PRUNE1: variants seen among roughly 807,000 people sequenced by gnomAD.
PRUNE1 encodes the protein exopolyphosphatase PRUNE1.
In PRUNE1, 25 loss-of-function variants were observed where a neutral mutation model predicts 42.5. The observed-to-expected ratio is 0.59, with a 90% CI of 0.43 to 0.82. The LOEUF (loss-of-function observed/expected upper bound fraction) is 0.82, where lower values mean the gene tolerates loss of function less well. PRUNE1 is among the 40% of genes least tolerant of loss of function. The probability of loss-of-function intolerance (pLI) is 0.00; values close to 1 mark genes in which losing one functional copy is unlikely to be tolerated. For synonymous variants in PRUNE1, 203 were observed against 217.1 expected (o/e 0.93, Z 0.57); for missense variants, 443 against 539.3 (o/e 0.82, Z 1.77).
intron 3 of PRUNE1, among the ~76,000 whole-genome samples, chr1:151,021,813 G>A (rs902927104): frequency 6.6e-6 from 1 of 150,890 alleles, no homozygotes; most frequent in Non-Finnish European, 1.5e-5. Context: ...CGCCTCCCGG[G>A]ATAATTTTGT....
chr1:151,021,181 G>A (rs587756225), intron 3 of PRUNE1, among the ~76,000 whole-genome samples: 74 of 151,788 alleles, frequency 4.9e-4, no homozygotes, highest in African/African-American at 1.7e-3. Context: ...CAGGCCGGGC[G>A]TGGTGGCTCA....
rs587736505 is a variant in PRUNE1, at chr1:151,018,114, A to C, written c.132+210A>C. Among the ~76,000 whole-genome samples the C allele has an allele frequency of 2.0e-5, 3 of 152,272 alleles. No individual in the cohort carries two copies. In the South Asian group the frequency reaches 6.2e-4, roughly 32 times the overall value. ...AAAGTGAGCAAATATATTTCGAGGG[A>C]TATGTAAACCATAAAGCAATATTCA... On this transcript the variant is annotated intron_variant, in intron 2 of 7. Coordinates refer to ENST00000271620, the MANE Select transcript of PRUNE1 (RefSeq NM_021222.3).
intron 1 of PRUNE1, 184 bp downstream of exon 1, chr1:151,008,855 T>G (rs982578627): frequency 1.3e-6 from 1 of 767,058 alleles, no homozygotes. Flanking sequence ...TTTAGGAGCG[T>G]GAGAATGCTG....
chr1:151,033,158 T>C (rs1460278187), intron 7 of PRUNE1, among the ~76,000 whole-genome samples: 1 of 151,136 alleles, frequency 6.6e-6, no homozygotes, highest in Non-Finnish European at 1.5e-5. Context: ...CCATCTTGGC[T>C]CACTGCAACT....
At chr1:151,015,687 C>T (rs1477146616) in intron 1 of PRUNE1, among the ~76,000 whole-genome samples, 2 of 150,640 alleles carry the variant, frequency 1.3e-5, no homozygotes, top group Admixed American at 1.3e-4. Flanking sequence ...GCCTGTAGTC[C>T]CAGCTACTCA....
intron 3 of PRUNE1, among the ~76,000 whole-genome samples, chr1:151,020,055 A>T (rs1196601421): frequency 7.0e-6 from 1 of 143,330 alleles, no homozygotes; most frequent in African/African-American, 2.6e-5. Context: ...CTGGCCTGGA[A>T]CTCCTGACCT....
chr1:151,034,141 G>C lies in PRUNE1; in HGVS notation c.1269G>C (p.Gln423His). The change falls in exon 8 of 8, where the codon CAG becomes CAC. Residue 423 changes from glutamine to histidine, a missense_variant. Gln to His is a conservative substitution (Grantham distance 24). Coordinates refer to ENST00000271620, the MANE Select transcript of PRUNE1 (RefSeq NM_021222.3). ...NSLVDECPLD[Q>H]GLPKLSAEAV... ...TGGTGGATGAGTGCCCTCTAGATCA[G>C]GGGCTGCCTAAACTCTCTGCTGAGG... is the stretch of plus-strand genomic sequence containing the variant. 1 of 1,614,180 alleles carries C rather than the reference G, an allele frequency of 6.2e-7. No homozygotes were observed. Among genetic ancestry groups the C allele is most frequent in the Admixed American group, 1.7e-5 (1 of 60,016 alleles).
Position 151,008,670 on chromosome 1 carries a change from A to G in PRUNE1, c.38A>G (p.Gln13Arg). ...DYLQGCRAAL[Q>R]ESRPLHVVLG... ...CTGCAGGGTTGTCGAGCTGCTCTGC[A>G]GGTAACGAATCCCTGTCTGTGACTG... Residue 13 changes from glutamine (Q) to arginine (R), a missense_variant and splice_region_variant, in exon 1 of 8, where the codon CAG becomes CGG. Coordinates refer to ENST00000271620, the MANE Select transcript of PRUNE1 (RefSeq NM_021222.3). 1 of 1,614,034 alleles carries G rather than the reference A, an allele frequency of 6.2e-7. No homozygotes were observed. The highest frequency in any genetic ancestry group is 8.5e-7 in the Non-Finnish European group (1 of 1,179,984).
intron 6 of PRUNE1, 61 bp downstream of exon 6, chr1:151,027,388 T>TG: frequency 8.3e-7 from 1 of 1,209,440 alleles, no homozygotes; most frequent in Non-Finnish European, 1.2e-6. Flanking sequence ...ATGTTATGCA[T>TG]GTGGCCTTGC....
intron 1 of PRUNE1, among the ~76,000 whole-genome samples, chr1:151,011,976 A>G (rs1242956982): frequency 6.6e-6 from 1 of 152,106 alleles, no homozygotes; most frequent in East Asian, 1.9e-4. Context: ...ACGGGGTTTC[A>G]CCATGTTGGC....
intron 5 of PRUNE1, among the ~76,000 whole-genome samples, chr1:151,026,372 C>T (rs960765984): frequency 5.3e-5 from 8 of 151,884 alleles, no homozygotes; most frequent in Admixed American, 2.0e-4. Flanking sequence ...GCAGGAAAAT[C>T]GCTTGAACCC....
chr1:151,010,915 C>T (rs1452581073), intron 1 of PRUNE1, among the ~76,000 whole-genome samples: 6 of 152,112 alleles, frequency 3.9e-5, no homozygotes. Flanking sequence ...CTTGGTCTCC[C>T]AAAGTGCTGG....
At chr1:151,013,287 CA>C (rs1213937977) in intron 1 of PRUNE1, among the ~76,000 whole-genome samples, 2 of 152,162 alleles carry the variant, frequency 1.3e-5, no homozygotes, top group Non-Finnish European at 2.9e-5. Context: ...TGGGTGTTGA[CA>C]GGGGAGAGGA....
chr1:151,015,241 G>A (rs1051530174), intron 1 of PRUNE1, among the ~76,000 whole-genome samples: 7 of 151,438 alleles, frequency 4.6e-5, no homozygotes, highest in African/African-American at 1.7e-4. Context: ...GCTGAAGGGG[G>A]AGAATCACTT....
intron 2 of PRUNE1, among the ~76,000 whole-genome samples, chr1:151,018,162 T>C (rs1674215688): frequency 2.0e-5 from 3 of 152,150 alleles, no homozygotes; most frequent in Admixed American, 1.3e-4. Context: ...CTGAGTTCCG[T>C]ATAGGTATCA....
chr1:151,013,570 G>A (rs1357025955), intron 1 of PRUNE1, among the ~76,000 whole-genome samples: 1 of 152,180 alleles, frequency 6.6e-6, no homozygotes, highest in Admixed American at 6.5e-5. Flanking sequence ...CAACACTGAT[G>A]TAAATAAGCG....
chr1:151,025,622 A>G lies in PRUNE1; in HGVS notation c.628A>G (p.Lys210Glu), dbSNP rs975122544. 1.2e-6 allele frequency: 2 copies of G among 1,613,972 alleles called. No homozygotes were observed. Among genetic ancestry groups the G allele is most frequent in the Non-Finnish European group, 1.7e-6 (2 of 1,179,858 alleles). Residue 210 changes from lysine (K) to glutamate (E), a missense_variant, in exon 5 of 8, where the codon AAG becomes GAG. By Grantham distance (56) the Lys-to-Glu change is moderately conservative. Coordinates refer to ENST00000271620, the MANE Select transcript of PRUNE1 (RefSeq NM_021222.3). ...AGAGGCCCTTTTCCCAGACCTACCC[A>G]AGAGAAATGATATATTTGATTCCCT... is the stretch of plus-strand genomic sequence containing the variant. ...KLEALFPDLP[K>E]RNDIFDSLQK... is the part of the protein sequence containing the mutation.
chr1:151,032,244 C>CA (rs11452561), intron 7 of PRUNE1, among the ~76,000 whole-genome samples: 108,525 of 144,614 alleles, frequency 0.75, 42,187 homozygotes, highest in East Asian at 0.87. Context: ...GAATCCATTT[C>CA]AAAAAAAAAA....
At chr1:151,018,040 A>C (rs1571780085) in intron 2 of PRUNE1, 136 bp downstream of exon 2, 22 of 639,572 alleles carry the variant, frequency 3.4e-5, no homozygotes. Flanking sequence ...GTCTCATGCC[A>C]CCATCCATAA....
Sources: gnomAD v4.1 joint callset for allele counts (sites outside exome capture counted in the v4.1 genomes callset) on GRCh38, gnomAD v4.1.1 for gene constraint, MANE v1.5 for transcripts, NCBI Gene and HGNC (gene_info 2026-07-23, HGNC 2026-07-21) for gene names.